MICU3: variants seen among roughly 807,000 people sequenced by gnomAD.
The protein encoded by MICU3 is mitochondrial calcium uptake 3, also known as calcium uptake protein 3, mitochondrial.
In MICU3, 62 loss-of-function variants were observed where a neutral mutation model predicts 66.5. That is an observed-to-expected ratio of 0.93 (90% confidence interval 0.76 to 1.15). The LOEUF (loss-of-function observed/expected upper bound fraction) is 1.15, where lower values mean the gene tolerates loss of function less well. Ranked by LOEUF, MICU3 falls within the 50% of genes most tolerant of loss-of-function variation. MICU3 has a pLI of 0.00. For synonymous variants in MICU3, 308 were observed against 240.7 expected, an observed-to-expected ratio of 1.28 and a Z score of -2.59; for missense variants, 779 against 664.4, an observed-to-expected ratio of 1.17 and a Z score of -1.90.
intron 1 of MICU3, among the ~76,000 whole-genome samples, chr8:17,056,749 C>T (rs1176457071): frequency 6.6e-6 from 1 of 152,210 alleles, no homozygotes; most frequent in African/African-American, 2.4e-5. Flanking sequence ...GTGGAGCAGT[C>T]AGTAGCTTAT....
rs563040241 is a variant in MICU3, at chr8:17,074,792, C to T, written c.568-2991C>T. Among the ~76,000 whole-genome samples the T allele has an allele frequency of 1.1e-3, 174 of 151,962 alleles. 1 individual carries two copies. The highest frequency in any genetic ancestry group is 1.0e-3 in the Non-Finnish European group (69 of 67,978). ...TAATAGTACTTATTTAAGAAAATTA[C>T]GTAACTCTTTTAAAAGGCAACTATA... On this transcript the variant is annotated intron_variant, in intron 3 of 14. Transcript: ENST00000318063.
At chr8:17,058,113 G>C (rs1817259799) in intron 1 of MICU3, among the ~76,000 whole-genome samples, 1 of 152,130 alleles carries the variant, frequency 6.6e-6, no homozygotes, top group African/African-American at 2.4e-5. Flanking sequence ...GCCTCCAAAA[G>C]TACCCTATTG....
At chr8:17,117,343 A>T (rs1217359888) in intron 13 of MICU3, among the ~76,000 whole-genome samples, 1 of 152,180 alleles carries the variant, frequency 6.6e-6, no homozygotes, top group Non-Finnish European at 1.5e-5. Context: ...GTTACTGCAT[A>T]ATCATTACTT....
intron 1 of MICU3, among the ~76,000 whole-genome samples, chr8:17,057,901 G>A (rs932333079): frequency 1.3e-5 from 2 of 151,998 alleles, no homozygotes; most frequent in African/African-American, 4.8e-5. Context: ...AGGCTGGAGT[G>A]CAATGGTGTG....
intron 11 of MICU3, among the ~76,000 whole-genome samples, chr8:17,107,939 C>G (rs1225318273): frequency 6.6e-6 from 1 of 152,130 alleles, no homozygotes; most frequent in Non-Finnish European, 1.5e-5. Flanking sequence ...AAGGAAGAGA[C>G]AGGTTAAGAT....
intron 4 of MICU3, among the ~76,000 whole-genome samples, chr8:17,078,889 G>T (rs1394931838): frequency 2.0e-5 from 3 of 152,032 alleles, no homozygotes; most frequent in Non-Finnish European, 2.9e-5. Flanking sequence ...TTTCCTAGAT[G>T]TTGTCTTAAA....
At chr8:17,096,819 T>C (rs979140237) in intron 8 of MICU3, among the ~76,000 whole-genome samples, 6 of 151,896 alleles carry the variant, frequency 4.0e-5, no homozygotes, top group Non-Finnish European at 1.5e-5. Flanking sequence ...TTTTCAAATA[T>C]GGCAAAGCAA....
rs149435540 is a variant in MICU3, at chr8:17,081,439, C to T, written c.647-254C>T. Among the ~76,000 whole-genome samples, 42 of 152,088 alleles carry T rather than the reference C, an allele frequency of 2.8e-4. 1 individual carries two copies. Among genetic ancestry groups the T allele is most frequent in the African/African-American group, 7.9e-4 (33 of 41,530 alleles). ...AACAAGTTTAAAAGTTACTGCTATA[C>T]GTATGCATTATAATTTTGCTTTTTT... On this transcript the variant is annotated intron_variant, in intron 4 of 14. Transcript: ENST00000318063.
chr8:17,059,954 A>G (rs1191829995), intron 1 of MICU3, among the ~76,000 whole-genome samples: 1 of 152,210 alleles, frequency 6.6e-6, no homozygotes, highest in Non-Finnish European at 1.5e-5. Flanking sequence ...TAGGATTTTT[A>G]CAACAGAATT....
intron 11 of MICU3, among the ~76,000 whole-genome samples, chr8:17,106,915 C>G (rs1002960649): frequency 3.9e-5 from 6 of 152,032 alleles, no homozygotes; most frequent in African/African-American, 1.4e-4. Context: ...ATGTCTTTCC[C>G]CTCCTTCCGC....
intron 1 of MICU3, chr8:17,049,629 A>G (rs1354722090): frequency 3.9e-6 from 2 of 518,650 alleles, no homozygotes; most frequent in East Asian, 1.1e-4. Flanking sequence ...GGCCGGAAGG[A>G]TTGCAAAACC....
the MICU3 span, among the ~76,000 whole-genome samples, chr8:17,130,179 G>A: frequency 2.6e-5 from 4 of 152,142 alleles, no homozygotes; most frequent in African/African-American, 4.8e-5. Context: ...AGTTCACCAC[G>A]TAAATGATAA....
chr8:17,081,116 T>C (rs1821116756), intron 4 of MICU3, among the ~76,000 whole-genome samples: 1 of 152,108 alleles, frequency 6.6e-6, no homozygotes, highest in African/African-American at 2.4e-5. Flanking sequence ...GTACAGAAAG[T>C]ATAAGCCATT....
At chr8:17,057,151 A>G (rs551965952) in intron 1 of MICU3, among the ~76,000 whole-genome samples, 10 of 152,232 alleles carry the variant, frequency 6.6e-5, no homozygotes, top group Non-Finnish European at 1.3e-4. Context: ...AGAAAGAAGC[A>G]TTAAGGAGAT....
At chr8:17,124,383 T>C (rs1803350687), downstream of MICU3, among the ~76,000 whole-genome samples, 1 of 152,180 alleles carries the variant, frequency 6.6e-6, no homozygotes, top group African/African-American at 2.4e-5. Context: ...TTAGTTATAA[T>C]TAACTTCTCC....
intron 8 of MICU3, among the ~76,000 whole-genome samples, chr8:17,093,746 C>T (rs571880855): frequency 2.5e-4 from 38 of 151,732 alleles, no homozygotes; most frequent in South Asian, 1.0e-3. Flanking sequence ...TGTTTTTTGC[C>T]GTAAAATCTC....
intron 3 of MICU3, among the ~76,000 whole-genome samples, chr8:17,076,176 C>T (rs565048693): frequency 6.6e-6 from 1 of 151,912 alleles, no homozygotes; most frequent in African/African-American, 2.4e-5. Flanking sequence ...TATAGATGAA[C>T]GCCACCATGC....
At chr8:17,062,928 A>C (rs1047455090) in intron 1 of MICU3, among the ~76,000 whole-genome samples, 6 of 152,098 alleles carry the variant, frequency 3.9e-5, no homozygotes, top group African/African-American at 1.4e-4. Context: ...ATATTTCTGA[A>C]TATTTTCAAG....
rs753295478 is a variant in MICU3, at chr8:17,104,468, G to A, written c.1062G>A (p.Glu354=). The part of the protein sequence containing the change: ...VHFFGKKGKA[E]LNFEDFYRFM... ...TTTTTGGAAAGAAAGGAAAAGCTGA[G>A]CTCAACTTTGAAGATTTTTATAGGT... The change falls in exon 10 of 15, where the codon GAG becomes GAA. Residue 354 remains glutamate, a synonymous_variant. Coordinates refer to ENST00000318063, the MANE Select transcript of MICU3 (RefSeq NM_181723.3). 10 of 1,455,196 alleles carry A rather than the reference G, an allele frequency of 6.9e-6. No individual in the cohort carries two copies. The South Asian group carries it at 1.6e-4, about 24-fold the overall frequency. The allele number at this position is 1,455,196 out of a possible 1,614,324, so 90.1% of individuals were successfully genotyped here.
Sources: gnomAD v4.1 joint callset for allele counts (sites outside exome capture counted in the v4.1 genomes callset) on GRCh38, gnomAD v4.1.1 for gene constraint, MANE v1.5 for transcripts, NCBI Gene and HGNC (gene_info 2026-07-23, HGNC 2026-07-21) for gene names.